C11orf65: variants seen among roughly 807,000 people sequenced by gnomAD.
C11orf65 encodes chromosome 11 open reading frame 65, also known as protein MFI.
In C11orf65, 38 loss-of-function variants were observed where a neutral mutation model predicts 35.3. That is an observed-to-expected ratio of 1.08 (90% CI 0.83 to 1.41). The LOEUF (loss-of-function observed/expected upper bound fraction) is 1.41. C11orf65 is among the 40% of genes most tolerant of loss of function. C11orf65 has a pLI of 0.00. For synonymous variants in C11orf65, 105 were observed against 114.4 expected, an observed-to-expected ratio of 0.92 and a Z score of 0.53; for missense variants, 370 against 367.1, an observed-to-expected ratio of 1.01 and a Z score of -0.06.
In C11orf65 at chr11:108,382,757, G is replaced by A; in HGVS notation, c.*264C>T. On this transcript the variant is annotated 3_prime_UTR_variant, in exon 9 of 9. Coordinates refer to ENST00000393084, the MANE Select transcript of C11orf65 (RefSeq NM_152587.5). ...CAAAATAATCAGTCTGAAGCTTCTT[G>A]CACCTAAATGTAGTCTCTTTACTTA... The A allele has an allele frequency of 1.0e-6, 1 of 982,792 alleles. No homozygotes were observed. The highest frequency in any genetic ancestry group is 1.2e-6 in the Non-Finnish European group (1 of 827,624). 60.9% of individuals were successfully genotyped at this position (982,792 alleles called of 1,614,324 possible). A position where few individuals can be genotyped will look rare whatever the true frequency, so the allele number is the denominator to read the frequency against.
At chr11:108,402,948 TAGATA>T (rs2092465824) in intron 6 of C11orf65, among the ~76,000 whole-genome samples, 1 of 152,226 alleles carries the variant, frequency 6.6e-6, no homozygotes, top group Admixed American at 6.5e-5. Flanking sequence ...TTCCTTTGTG[TAGATA>T]TCCTACCACT....
intron 3 of C11orf65, among the ~76,000 whole-genome samples, chr11:108,420,462 C>T (rs2092799490): frequency 6.6e-6 from 1 of 152,152 alleles, no homozygotes; most frequent in Non-Finnish European, 1.5e-5. Context: ...GACCCATCTC[C>T]TCACCCACCA....
intron 2 of C11orf65, among the ~76,000 whole-genome samples, chr11:108,438,322 C>T (rs912862774): frequency 4.6e-5 from 7 of 152,000 alleles, no homozygotes; most frequent in African/African-American, 9.7e-5. Context: ...GAGGCCGAGA[C>T]GGGCAGATCA....
intron 6 of C11orf65, among the ~76,000 whole-genome samples, chr11:108,311,293 C>A (rs76637316): frequency 6.6e-6 from 1 of 151,988 alleles, no homozygotes; most frequent in Non-Finnish European, 1.5e-5. Flanking sequence ...TTTTTTAAAG[C>A]GGTTATACCC....
At chr11:108,438,587 A>G (rs2093102641) in intron 2 of C11orf65, among the ~76,000 whole-genome samples, 1 of 152,090 alleles carries the variant, frequency 6.6e-6, no homozygotes, top group South Asian at 2.1e-4. Context: ...TATAAGAGTT[A>G]AAGCCATAAA....
chr11:108,337,235 AG>A (rs1315857855), intron 2 of C11orf65, among the ~76,000 whole-genome samples: 1 of 152,204 alleles, frequency 6.6e-6, no homozygotes, highest in East Asian at 1.9e-4. Flanking sequence ...CTGTTCATTA[AG>A]GAAAGCACAA....
chr11:108,420,491 G>A (rs1487099574), intron 3 of C11orf65, among the ~76,000 whole-genome samples: 1 of 152,156 alleles, frequency 6.6e-6, no homozygotes, highest in Non-Finnish European at 1.5e-5. Flanking sequence ...TCAGTCACTG[G>A]ACATGGGTTG....
chr11:108,334,834 G>A (rs1565540307), intron 3 of C11orf65: 2 of 1,047,128 alleles, frequency 1.9e-6, no homozygotes, highest in South Asian at 1.5e-5. Context: ...CCGGCCTAAA[G>A]TTGTAGTTCT....
chr11:108,413,779 C>T (rs780482182), intron 3 of C11orf65, among the ~76,000 whole-genome samples: 7 of 151,882 alleles, frequency 4.6e-5, no homozygotes, highest in African/African-American at 7.3e-5. Context: ...CTGGAAAACC[C>T]CAAAACTTGA....
chr11:108,407,422 C>G (rs1413385413), intron 3 of C11orf65, among the ~76,000 whole-genome samples: 1 of 138,528 alleles, frequency 7.2e-6, no homozygotes, highest in Non-Finnish European at 1.5e-5. Flanking sequence ...AGCGATGCTC[C>G]CATCTCAGCC....
intron 2 of C11orf65, among the ~76,000 whole-genome samples, chr11:108,448,180 T>C (rs1184575609): frequency 6.6e-6 from 1 of 152,154 alleles, no homozygotes; most frequent in Non-Finnish European, 1.5e-5. Context: ...ACCAGATGGA[T>C]TCACAGCTGA....
At chr11:108,449,819 C>A (rs1024672531) in intron 2 of C11orf65, among the ~76,000 whole-genome samples, 3 of 151,842 alleles carry the variant, frequency 2.0e-5, no homozygotes, top group Non-Finnish European at 4.4e-5. Context: ...TTCTGCACAG[C>A]AAAAGAAACT....
intron 2 of C11orf65, among the ~76,000 whole-genome samples, chr11:108,362,358 A>C (rs937720021): frequency 2.6e-5 from 4 of 151,448 alleles, no homozygotes; most frequent in Non-Finnish European, 4.4e-5. Flanking sequence ...GTGGGACTGT[A>C]AACTAGTTCA....
upstream of C11orf65, among the ~76,000 whole-genome samples, chr11:108,469,053 C>G (rs1294891176): frequency 6.6e-6 from 1 of 151,774 alleles, no homozygotes; most frequent in Non-Finnish European, 1.5e-5. Context: ...ACTGTGTTAG[C>G]CAGGATGGTC....
chr11:108,308,709 T>G (rs1591737087), exon 7 of C11orf65: 1 of 312,932 alleles, frequency 3.2e-6, no homozygotes, highest in Admixed American at 4.3e-5. Context: ...GAGGGAGAGG[T>G]GAGTGAAAAA....
intron 2 of C11orf65, among the ~76,000 whole-genome samples, chr11:108,339,882 T>C (rs1292344149): frequency 6.6e-6 from 1 of 152,178 alleles, no homozygotes; most frequent in Non-Finnish European, 1.5e-5. Context: ...GGAGAGGGCA[T>C]GTAGAATACT....
At chr11:108,464,059 T>TG (rs1429625846) in intron 1 of C11orf65, among the ~76,000 whole-genome samples, 1 of 151,410 alleles carries the variant, frequency 6.6e-6, no homozygotes, top group Non-Finnish European at 1.5e-5. Flanking sequence ...CCTGAGTAGC[T>TG]GGGATTACAG....
At position 108,354,807 on chromosome 11, in the gene C11orf65, C is replaced by G. The variant is rs944858078; in HGVS notation, c.227-19515G>C. 1.2e-6 allele frequency: 2 copies of G among 1,612,790 alleles called. No individual in the cohort carries two copies. Among genetic ancestry groups the G allele is most frequent in the East Asian group, 2.2e-5 (1 of 44,874 alleles). Reference sequence around the variant, plus strand: ...ATCCGTATTTATAATGTGTTTGACTCTAGATGCTGTGAGAAAACCATGGAA... The same window carrying G: ...ATCCGTATTTATAATGTGTTTGACTGTAGATGCTGTGAGAAAACCATGGAA... On this transcript the variant is annotated intron_variant, in intron 2 of 3. Coordinates refer to the C11orf65 transcript ENST00000524755.
At chr11:108,402,549 C>A (rs1158566782) in intron 6 of C11orf65, among the ~76,000 whole-genome samples, 1 of 114,902 alleles carries the variant, frequency 8.7e-6, no homozygotes, top group South Asian at 3.2e-4. Context: ...ATTTTCTGCA[C>A]AGGTTTTTAA....
Sources: allele counts gnomAD v4.1 joint callset (sites outside exome capture counted in the v4.1 genomes callset), GRCh38; gene constraint gnomAD v4.1.1; transcripts MANE v1.5; gene names NCBI Gene and HGNC (gene_info 2026-07-23, HGNC 2026-07-21).